The following EPHA5 variants were observed in gnomAD, a reference collection of about 807,000 sequenced individuals.
EPHA5 encodes EPH receptor A5, also known as ephrin type-A receptor 5.
A neutral mutation model predicts 105.0 loss-of-function variants in EPHA5; 60 were observed. The observed-to-expected ratio is 0.57, with a 90% CI of 0.46 to 0.71. The LOEUF is 0.71. Among genes scored for constraint, EPHA5 ranks in the 30% least tolerant of loss-of-function variants. The pLI, the probability that EPHA5 is intolerant of heterozygous loss-of-function variation, is 0.00. For synonymous variants in EPHA5, 513 were observed against 449.1 expected, an observed-to-expected ratio of 1.14 and a Z score of -1.80; for missense variants, 1,218 against 1,274.7, an observed-to-expected ratio of 0.96 and a Z score of 0.68.
intron 2 of EPHA5, among the ~76,000 whole-genome samples, chr4:65,641,978 T>C (rs1747710680): frequency 6.6e-6 from 1 of 152,132 alleles, no homozygotes; most frequent in South Asian, 2.1e-4. Context: ...TGTCTTCAAA[T>C]GTATAGTTGC....
chr4:65,660,928 C>A (rs1749505096), intron 1 of EPHA5, among the ~76,000 whole-genome samples: 1 of 152,056 alleles, frequency 6.6e-6, no homozygotes, highest in African/African-American at 2.4e-5. Context: ...TTTATTCTTA[C>A]CCTTACCCAG....
At chr4:65,656,831 C>A (rs1433313468) in intron 1 of EPHA5, among the ~76,000 whole-genome samples, 1 of 151,016 alleles carries the variant, frequency 6.6e-6, no homozygotes, top group Admixed American at 6.6e-5. Context: ...ATAATTTTAA[C>A]CCTCCCATCT....
At chr4:65,396,886 C>T (rs1025546419) in intron 8 of EPHA5, among the ~76,000 whole-genome samples, 1 of 152,110 alleles carries the variant, frequency 6.6e-6, no homozygotes, top group South Asian at 2.1e-4. Context: ...TGAAAGTGGC[C>T]ACCACAGTCT....
At chr4:65,327,971 A>G (rs1720240835) in intron 16 of EPHA5, among the ~76,000 whole-genome samples, 1 of 151,168 alleles carries the variant, frequency 6.6e-6, no homozygotes, top group South Asian at 2.1e-4. Context: ...TTGCTGCCCT[A>G]TGTACAATAA....
Position 65,616,452 on chromosome 4 carries a change from CACAGAG to C in EPHA5, c.247-14154_247-14149del, listed in dbSNP as rs778619488. Among the ~76,000 whole-genome samples, 483 of 147,130 alleles carry C rather than the reference CACAGAG, an allele frequency of 3.3e-3. 2 individuals carry two copies. The highest frequency in any genetic ancestry group is 5.5e-3 in the Non-Finnish European group (370 of 67,410). On this transcript the variant is annotated intron_variant, in intron 2 of 16. Transcript: ENST00000613740. The stretch of plus-strand genomic sequence containing the variant: ...ATACACACACACACACACACACACA[CACAGAG>C]AGAGAGAGAGAGAGAAGAGCATTAA...
At chr4:65,513,700 A>G (rs968562874) in intron 3 of EPHA5, among the ~76,000 whole-genome samples, 3 of 152,122 alleles carry the variant, frequency 2.0e-5, no homozygotes, top group African/African-American at 4.8e-5. Flanking sequence ...AAGATTTCTA[A>G]GTACTTCTAA....
intron 2 of EPHA5, among the ~76,000 whole-genome samples, chr4:65,630,277 T>C (rs1746513579): frequency 6.6e-6 from 1 of 152,018 alleles, no homozygotes; most frequent in Admixed American, 6.6e-5. Flanking sequence ...GTTGGGCGGG[T>C]GGGCTCAAGC....
chr4:65,620,685 ATTG>A (rs1745634898), intron 2 of EPHA5, among the ~76,000 whole-genome samples: 1 of 152,172 alleles, frequency 6.6e-6, no homozygotes, highest in Admixed American at 6.5e-5. Context: ...TTATATATTT[ATTG>A]TTGTGAAATA....
chr4:65,647,958 A>G (rs12505039), intron 1 of EPHA5, among the ~76,000 whole-genome samples: 44 of 152,316 alleles, frequency 2.9e-4, no homozygotes, highest in Admixed American at 1.8e-3. Flanking sequence ...TGAATGCCCA[A>G]CCAAATAACA....
Position 65,334,274 on chromosome 4 carries a change from T to C in EPHA5, c.2789+1658A>G, listed in dbSNP as rs148983155. Among the ~76,000 whole-genome samples, 13 of 152,026 alleles carry C rather than the reference T, an allele frequency of 8.6e-5. No individual in the cohort carries two copies. The East Asian group carries it at 1.9e-3, about 23-fold the overall frequency. On this transcript the variant is annotated intron_variant, in intron 15 of 16. Transcript: ENST00000613740. ...CCCAGAGTATAAAGGTGAATAGATG[T>C]TGGATGAATAAATGAATATGTTATA...
At chr4:65,635,012 C>T in intron 2 of EPHA5, among the ~76,000 whole-genome samples, 1 of 152,008 alleles carries the variant, frequency 6.6e-6, no homozygotes, top group Non-Finnish European at 1.5e-5. Context: ...TTGTCAAAAT[C>T]TGAGTACCAG....
rs1211524539 is a variant in EPHA5 at position 65,568,729 on chromosome 4, CT to C, written c.910+32911del. On this transcript the variant is annotated intron_variant, in intron 3 of 16. Coordinates refer to ENST00000613740, the MANE Select transcript of EPHA5 (RefSeq NM_001281766.3). ...AATAATATCTTAAATAGTTTATACACTTTTTCAAACCATAACTGATAAAGTG... is the reference window on the plus strand; with the variant it reads ...AATAATATCTTAAATAGTTTATACACTTTTCAAACCATAACTGATAAAGTG... Among the ~76,000 whole-genome samples, 8 of 150,850 alleles carry C rather than the reference CT, an allele frequency of 5.3e-5. No individual in the cohort carries two copies. In the South Asian group the frequency reaches 1.7e-3, roughly 31 times the overall value.
intron 8 of EPHA5, among the ~76,000 whole-genome samples, chr4:65,396,473 T>C (rs747839531): frequency 1.3e-5 from 2 of 152,186 alleles, no homozygotes; most frequent in African/African-American, 2.4e-5. Context: ...GAATTTTCGG[T>C]ACGACCTTTG....
intron 3 of EPHA5, among the ~76,000 whole-genome samples, chr4:65,547,493 T>G (rs1220397578): frequency 6.6e-6 from 1 of 151,836 alleles, no homozygotes; most frequent in Non-Finnish European, 1.5e-5. Context: ...GCATTTTTAT[T>G]TTTTTTCCTG....
In EPHA5 at chr4:65,420,445, T is replaced by A; in HGVS notation, c.1523A>T (p.Glu508Val). The A allele has an allele frequency of 6.3e-7, 1 of 1,587,816 alleles. No individual in the cohort carries two copies. Reference protein sequence around the residue: ...IILEYEIKYFEKDQETSYTII... With the variant: ...IILEYEIKYFVKDQETSYTII... Reference sequence around the variant, plus strand: ...TTTTTATTCTGTTAGTCTTACCTTTTCAAAATACTTGATTTCATACTCTAG... The same window carrying A: ...TTTTTATTCTGTTAGTCTTACCTTTACAAAATACTTGATTTCATACTCTAG... The change falls in exon 6 of 17, where the codon GAA (glutamate) becomes GTA (valine). Residue 508 changes from glutamate (E) to valine (V), a missense_variant. Coordinates refer to ENST00000613740, the MANE Select transcript of EPHA5 (RefSeq NM_001281766.3).
At chr4:65,374,317 A>G (rs1424736884) in intron 8 of EPHA5, among the ~76,000 whole-genome samples, 1 of 151,946 alleles carries the variant, frequency 6.6e-6, no homozygotes, top group African/African-American at 2.4e-5. Flanking sequence ...AACATTTGGA[A>G]TATTAACATT....
chr4:65,502,641 CT>C (rs1433681835), intron 3 of EPHA5, among the ~76,000 whole-genome samples: 1 of 151,864 alleles, frequency 6.6e-6, no homozygotes, highest in Non-Finnish European at 1.5e-5. Flanking sequence ...TGCTTATACA[CT>C]GTTGGTTGGA....
chr4:65,475,364 C>A (rs1310956721), intron 5 of EPHA5, among the ~76,000 whole-genome samples: 3 of 152,168 alleles, frequency 2.0e-5, no homozygotes, highest in African/African-American at 7.2e-5. Context: ...GTTATTTCAA[C>A]ATGCTGCATA....
At chr4:65,415,788 C>T (rs757218315) in intron 6 of EPHA5, among the ~76,000 whole-genome samples, 11 of 152,044 alleles carry the variant, frequency 7.2e-5, no homozygotes, top group Admixed American at 1.3e-4. Context: ...CATTGACAAA[C>T]GTGTAATGCT....
Sources: gnomAD v4.1 joint callset for allele counts (sites outside exome capture counted in the v4.1 genomes callset) on GRCh38, gnomAD v4.1.1 for gene constraint, MANE v1.5 for transcripts, NCBI Gene and HGNC (gene_info 2026-07-23, HGNC 2026-07-21) for gene names.